NPFFR1: variants seen among roughly 807,000 people sequenced by gnomAD.
The protein encoded by NPFFR1 is neuropeptide FF receptor 1.
Under a neutral mutation model 12.7 loss-of-function variants are expected in NPFFR1, and 17 were observed. That is an observed-to-expected ratio of 1.34 (90% confidence interval 0.92 to 2.01). NPFFR1 has a LOEUF of 2.01. NPFFR1 is among the 30% of genes most tolerant of loss of function. NPFFR1 has a pLI of 0.00. For missense variants in NPFFR1, 604 were observed against 606.5 expected, an observed-to-expected ratio of 1.00 and a Z score of 0.04; for synonymous variants, 296 against 264.5, an observed-to-expected ratio of 1.12 and a Z score of -1.16.
Position 70,255,561 on chromosome 10 carries a change from G to C in NPFFR1, c.689C>G (p.Ala230Gly). The C allele has an allele frequency of 6.4e-7, 1 of 1,550,894 alleles. No individual in the cohort carries two copies. Among genetic ancestry groups the C allele is most frequent in the Non-Finnish European group, 8.7e-7 (1 of 1,146,976 alleles). The change falls in exon 4 of 4, where the codon GCG (alanine) becomes GGG (glycine). Residue 230 changes from alanine to glycine, a missense_variant. Ala to Gly is a moderately conservative substitution (Grantham distance 60). Coordinates refer to ENST00000277942, the MANE Select transcript of NPFFR1 (RefSeq NM_022146.5). The surrounding 1 kb of genome is among the most constrained non-coding windows in gnomAD (Gnocchi z 4.2). ...LFSHIYLAPL[A>G]LIVVMYARIA... The stretch of plus-strand genomic sequence containing the variant: ...GCGGGCGTACATGACCACGATGAGC[G>C]CCAGCGGCGCCAGGTAGATGTGCGA...
At chr10:70,272,316 G>C (rs951640411) in intron 1 of NPFFR1, among the ~76,000 whole-genome samples, 32 of 152,124 alleles carry the variant, frequency 2.1e-4, no homozygotes, top group Non-Finnish European at 2.6e-4. Context: ...AATCAGTCTG[G>C]GTGTTTCCCT....
In NPFFR1 at chr10:70,283,714, C is replaced by A. The variant is rs1342573386; in HGVS notation, c.-38G>T. ...TGCGGGCTCCGGCGGTCTCCGATGG[C>A]GGGAGGCAGCGGGCCCCTTCGGGCC... On this transcript the variant is annotated 5_prime_UTR_variant, in exon 1 of 4. Transcript: ENST00000277942. The A allele has an allele frequency of 1.3e-6, 2 of 1,533,996 alleles. No homozygotes were observed. Among genetic ancestry groups the A allele is most frequent in the East Asian group, 4.9e-5 (2 of 40,896 alleles).
chr10:70,262,728 A>G (rs1392961149), intron 2 of NPFFR1, among the ~76,000 whole-genome samples: 3 of 152,244 alleles, frequency 2.0e-5, no homozygotes, highest in African/African-American at 4.8e-5. Context: ...TAATACACAT[A>G]CAGATGGACA....
At chr10:70,265,865 G>A (rs998202099) in intron 2 of NPFFR1, among the ~76,000 whole-genome samples, 3 of 152,194 alleles carry the variant, frequency 2.0e-5, no homozygotes, top group Non-Finnish European at 1.5e-5. Flanking sequence ...GTAACATCAT[G>A]CCAGGCACAA....
In NPFFR1 at chr10:70,255,650, G is replaced by A; in HGVS notation, c.600C>T (p.Leu200=). ...CGGGCCAGGCCTCCCAGCAGGAGTA[G>A]AGCGGGTAGGAGCGGTTGCGGGCGT... is the stretch of plus-strand genomic sequence containing the variant. The part of the protein sequence containing the change: ...MVDARNRSYP[L]YSCWEAWPEK... Residue 200 remains leucine (L), a synonymous_variant, in exon 4 of 4, where the codon CTC becomes CTT. Coordinates refer to ENST00000277942, the MANE Select transcript of NPFFR1 (RefSeq NM_022146.5). The surrounding 1 kb of genome is among the most constrained non-coding windows in gnomAD (Gnocchi z 4.2). 6.3e-7 allele frequency: 1 copy of A among 1,593,838 alleles called. No homozygotes were observed. Among genetic ancestry groups the A allele is most frequent in the Non-Finnish European group, 8.5e-7 (1 of 1,170,524 alleles).
chr10:70,263,614 A>G (rs1423310391), intron 2 of NPFFR1, among the ~76,000 whole-genome samples: 2 of 152,206 alleles, frequency 1.3e-5, no homozygotes, highest in Non-Finnish European at 2.9e-5. Context: ...AAAGACAGAA[A>G]TATAACAGAA....
intron 2 of NPFFR1, among the ~76,000 whole-genome samples, chr10:70,264,629 A>G (rs1048993208): frequency 1.4e-4 from 21 of 152,116 alleles, no homozygotes; most frequent in African/African-American, 5.1e-4. Context: ...GTGTGGTGGG[A>G]AGTAAAAGTA....
chr10:70,255,739 G>A lies in NPFFR1; in HGVS notation c.511C>T (p.Leu171Phe). 1 of 1,611,288 alleles carries A rather than the reference G, an allele frequency of 6.2e-7. No homozygotes were observed. Among genetic ancestry groups the A allele is most frequent in the African/African-American group, 1.3e-5 (1 of 74,998 alleles). Residue 171 changes from leucine (L) to phenylalanine (F), a missense_variant, in exon 4 of 4, where the codon CTC becomes TTC. Physicochemically the swap from Leu to Phe is conservative, Grantham distance 22. Transcript: ENST00000277942. This position sits in a 1 kb window ranked among gnomAD's most constrained non-coding sequence, Gnocchi z 4.2. ...TIAVIWALAL[L>F]IMCPSAVTLT... ...GTGACGGCCGAGGGACACATGATGA[G>A]CAGCGCCAGGGCCCAGATGACGGCG... is the stretch of plus-strand genomic sequence containing the variant.
intron 1 of NPFFR1, among the ~76,000 whole-genome samples, chr10:70,281,264 A>G (rs1840859088): frequency 6.6e-6 from 1 of 152,134 alleles, no homozygotes; most frequent in African/African-American, 2.4e-5. Flanking sequence ...GTGGGGCAAT[A>G]CCAGACCAGT....
chr10:70,249,370 G>A lies in NPFFR1; in HGVS notation c.*5587C>T, dbSNP rs1157580048. ...GCCAAAATCACGTCATTGCACTCCA[G>A]CCTGGGCAACAAAAGCAAGACTCTG... On this transcript the variant is annotated 3_prime_UTR_variant, in exon 4 of 4. Transcript: ENST00000277942. 6.7e-6 allele frequency: 1 copy of A among 149,370 alleles called. No individual in the cohort carries two copies. Among genetic ancestry groups the A allele is most frequent in the Non-Finnish European group, 1.5e-5 (1 of 67,568 alleles). The allele number at this position is 149,370 out of a possible 1,614,324, so 9.3% of individuals were successfully genotyped here. A position where few individuals can be genotyped will look rare whatever the true frequency, so the allele number is the denominator to read the frequency against.
intron 1 of NPFFR1, 91 bp from the exon 2 acceptor site, chr10:70,266,482 C>A: frequency 2.9e-6 from 3 of 1,032,014 alleles, no homozygotes; most frequent in Non-Finnish European, 4.2e-6. Context: ...TGTGCCAAAC[C>A]TTAACCATGC....
intron 2 of NPFFR1, among the ~76,000 whole-genome samples, chr10:70,261,601 G>A (rs1840634677): frequency 6.6e-6 from 1 of 152,168 alleles, no homozygotes; most frequent in African/African-American, 2.4e-5. Flanking sequence ...AGACCGTCCA[G>A]CCCTGCCTGG....
At chr10:70,279,476 T>G (rs1656329452) in intron 1 of NPFFR1, among the ~76,000 whole-genome samples, 1 of 151,400 alleles carries the variant, frequency 6.6e-6, no homozygotes, top group African/African-American at 2.4e-5. Flanking sequence ...TTATTTATTT[T>G]TAAGATGGAG....
rs990932815 is a variant in NPFFR1, at chr10:70,250,769, A to T, written c.*4188T>A. 5.3e-5 allele frequency: 8 copies of T among 152,244 alleles called. No homozygotes were observed. The highest frequency in any genetic ancestry group is 1.0e-4 in the Non-Finnish European group (7 of 68,042). 9.4% of individuals were successfully genotyped at this position (152,244 alleles called of 1,614,324 possible). A position where few individuals can be genotyped will look rare whatever the true frequency, so the allele number is the denominator to read the frequency against. ...AAGGAAACATTTTAGGATGATGAAAATATCTTCAGTGTGGTAGGGACATAA... is the reference window on the plus strand; with the variant it reads ...AAGGAAACATTTTAGGATGATGAAATTATCTTCAGTGTGGTAGGGACATAA... On this transcript the variant is annotated 3_prime_UTR_variant, in exon 4 of 4. Coordinates refer to ENST00000277942, the MANE Select transcript of NPFFR1 (RefSeq NM_022146.5).
At chr10:70,275,786 T>A (rs1197396219) in intron 1 of NPFFR1, among the ~76,000 whole-genome samples, 76 of 152,346 alleles carry the variant, frequency 5.0e-4, no homozygotes, top group Admixed American at 5.0e-3. Context: ...TATTAGATAG[T>A]ATTTCCATTA....
At chr10:70,263,932 C>A (rs1840660830) in intron 2 of NPFFR1, among the ~76,000 whole-genome samples, 1 of 150,602 alleles carries the variant, frequency 6.6e-6, no homozygotes, top group Admixed American at 6.6e-5. Flanking sequence ...GGTAACATGA[C>A]AAAACTCCAT....
At chr10:70,259,303 G>A (rs115954650) in intron 3 of NPFFR1, among the ~76,000 whole-genome samples, 9,954 of 149,606 alleles carry the variant, frequency 0.067, 349 homozygotes, top group East Asian at 0.11. Flanking sequence ...AAAAAAAAAA[G>A]AAAGAAAGAA....
At chr10:70,266,949 C>T (rs1374658072) in intron 1 of NPFFR1, among the ~76,000 whole-genome samples, 2 of 152,226 alleles carry the variant, frequency 1.3e-5, no homozygotes, top group Non-Finnish European at 2.9e-5. Flanking sequence ...ACACTCTTCC[C>T]TCTCCTTGCA....
intron 2 of NPFFR1, among the ~76,000 whole-genome samples, chr10:70,262,771 TTC>T (rs1420642941): frequency 1.3e-5 from 2 of 152,192 alleles, no homozygotes; most frequent in Non-Finnish European, 2.9e-5. Flanking sequence ...TGTTAAATAT[TTC>T]TGTTAGTATA....
Sources: allele counts gnomAD v4.1 joint callset (sites outside exome capture counted in the v4.1 genomes callset), GRCh38; gene constraint gnomAD v4.1.1; non-coding constraint Gnocchi (gnomAD v3.1); transcripts MANE v1.5; gene names NCBI Gene and HGNC (gene_info 2026-07-23, HGNC 2026-07-21).